Variants in CRB1 observed in about 807,000 individuals in gnomAD.
The protein encoded by CRB1 is crumbs cell polarity complex component 1.
Under a neutral mutation model 120.0 loss-of-function variants are expected in CRB1, and 83 were observed. The observed-to-expected ratio is 0.69, with a 90% CI of 0.58 to 0.83. The LOEUF (loss-of-function observed/expected upper bound fraction) is 0.83, where lower values mean the gene tolerates loss of function less well. CRB1 is among the 40% of genes least tolerant of loss of function. The pLI is 0.00. For missense variants in CRB1, 1,699 were observed against 1,687.6 expected (o/e 1.01, Z -0.12); for synonymous variants, 625 against 612.5 (o/e 1.02, Z -0.30).
At chr1:197,208,595 C>T in the CRB1 span, among the ~76,000 whole-genome samples, 7 of 152,176 alleles carry the variant, frequency 4.6e-5, no homozygotes, top group Non-Finnish European at 1.0e-4. Flanking sequence ...GATACCAGCT[C>T]CTGCTCTGGT....
chr1:197,469,381 A>C (rs1666885012), intron 11 of CRB1, among the ~76,000 whole-genome samples: 1 of 152,148 alleles, frequency 6.6e-6, no homozygotes, highest in Non-Finnish European at 1.5e-5. Context: ...AAGTGTGTAG[A>C]GAATAGATGA....
In CRB1 at chr1:197,472,184, T is replaced by C. The variant is rs563723293; in HGVS notation, c.4006-5480T>C. 3.3e-5 allele frequency among the ~76,000 whole-genome samples: 5 copies of C among 152,310 alleles called. No homozygotes were observed. In the East Asian group the frequency reaches 7.7e-4, roughly 23 times the overall value. On this transcript the variant is annotated intron_variant, in intron 11 of 11. Coordinates refer to ENST00000367400, the MANE Select transcript of CRB1 (RefSeq NM_201253.3). The stretch of plus-strand genomic sequence containing the variant: ...AAGCTGGAATGTAACCTGTAATCAA[T>C]TGACACATTCAAACATTTTAACTTT...
chr1:197,316,901 C>A (rs1226370720), intron 1 of CRB1, among the ~76,000 whole-genome samples: 19 of 118,638 alleles, frequency 1.6e-4, no homozygotes, highest in African/African-American at 5.5e-4. Context: ...ATTTCACTTA[C>A]AATGGCTACA....
chr1:197,301,937 T>C (rs541063341), intron 1 of CRB1, among the ~76,000 whole-genome samples: 1 of 152,270 alleles, frequency 6.6e-6, no homozygotes, highest in Non-Finnish European at 1.5e-5. Context: ...TGGTGAACAC[T>C]GTCGAAATAG....
chr1:197,467,255 A>G (rs747275601), intron 11 of CRB1, among the ~76,000 whole-genome samples: 1 of 152,224 alleles, frequency 6.6e-6, no homozygotes, highest in Admixed American at 6.5e-5. Flanking sequence ...TAATGCGTGT[A>G]ACTCTTTAAC....
At chr1:197,250,835 G>A in the CRB1 span, among the ~76,000 whole-genome samples, 14 of 152,096 alleles carry the variant, frequency 9.2e-5, no homozygotes, top group East Asian at 1.4e-3. Flanking sequence ...TTTCCTTGCC[G>A]TGTGGTTTTT....
chr1:197,284,990 T>C (rs975922244), intron 1 of CRB1, among the ~76,000 whole-genome samples: 1 of 151,904 alleles, frequency 6.6e-6, no homozygotes, highest in African/African-American at 2.4e-5. Flanking sequence ...GTGGTTATCA[T>C]AGATGACTTT....
At chr1:197,234,693 T>C in the CRB1 span, among the ~76,000 whole-genome samples, 2 of 152,176 alleles carry the variant, frequency 1.3e-5, no homozygotes, top group Non-Finnish European at 2.9e-5. Flanking sequence ...AGTATAATGG[T>C]TCCAAAGATA....
At chr1:197,209,239 C>G in the CRB1 span, among the ~76,000 whole-genome samples, 3 of 152,220 alleles carry the variant, frequency 2.0e-5, no homozygotes, top group African/African-American at 4.8e-5. Context: ...CCGATTTGCT[C>G]CCTCTCCCAG....
chr1:197,386,161 A>G (rs904540976), intron 5 of CRB1, among the ~76,000 whole-genome samples: 3 of 152,028 alleles, frequency 2.0e-5, no homozygotes, highest in Non-Finnish European at 4.4e-5. Context: ...GTGTTCACCA[A>G]TGTTCAAATA....
the CRB1 span, among the ~76,000 whole-genome samples, chr1:197,247,708 C>T: frequency 1.3e-5 from 2 of 151,988 alleles, no homozygotes; most frequent in Non-Finnish European, 2.9e-5. Flanking sequence ...CAAAAGTAAG[C>T]AGAACTGTAT....
the CRB1 span, among the ~76,000 whole-genome samples, chr1:197,212,563 A>G: frequency 6.6e-6 from 1 of 152,198 alleles, no homozygotes; most frequent in Non-Finnish European, 1.5e-5. Flanking sequence ...AGTTATTATA[A>G]CAGAAAGCCA....
rs781176401 is a variant in CRB1, at chr1:197,429,598, G to T, written c.2826G>T (p.Val942=). The T allele has an allele frequency of 1.2e-5, 19 of 1,613,962 alleles. No individual in the cohort carries two copies. In the Admixed American group the frequency reaches 3.0e-4, roughly 25 times the overall value. Residue 942 remains valine, a synonymous_variant, in exon 8 of 12, where the codon GTG becomes GTT. Coordinates refer to ENST00000367400, the MANE Select transcript of CRB1 (RefSeq NM_201253.3). ...CTCACGGAGCCCAGTGCCAGCCGGT[G>T]CTTCAAGGATTTGAATGTAGGTAGA... ...PCPHGAQCQP[V]LQGFECIANA...
intron 6 of CRB1, among the ~76,000 whole-genome samples, chr1:197,424,674 G>A (rs145885655): frequency 1.3e-3 from 201 of 152,186 alleles, no homozygotes; most frequent in Middle Eastern, 0.01. Flanking sequence ...TCGTGATTGC[G>A]TCACTTTGTA....
At chr1:197,261,074 T>C in the CRB1 span, among the ~76,000 whole-genome samples, 1 of 152,140 alleles carries the variant, frequency 6.6e-6, no homozygotes, top group Non-Finnish European at 1.5e-5. Context: ...TAAATGCAAA[T>C]GCTAAAAGAG....
chr1:197,383,624 T>G (rs774141375), intron 5 of CRB1, among the ~76,000 whole-genome samples: 13 of 152,198 alleles, frequency 8.5e-5, no homozygotes, highest in Non-Finnish European at 1.8e-4. Flanking sequence ...CTTCCTCCTG[T>G]TGAACACTGT....
At chr1:197,415,379 C>T (rs747050412) in intron 5 of CRB1, among the ~76,000 whole-genome samples, 3 of 152,148 alleles carry the variant, frequency 2.0e-5, no homozygotes, top group African/African-American at 4.8e-5. Flanking sequence ...CCAACAATTA[C>T]GTATGACTCC....
chr1:197,238,439 C>T, the CRB1 span, among the ~76,000 whole-genome samples: 1 of 151,994 alleles, frequency 6.6e-6, no homozygotes, highest in Admixed American at 6.6e-5. Flanking sequence ...GCTTTTTTCC[C>T]TTTACATTTC....
chr1:197,253,424 C>A, the CRB1 span, among the ~76,000 whole-genome samples: 1 of 152,068 alleles, frequency 6.6e-6, no homozygotes, highest in Admixed American at 6.6e-5. Context: ...TTTTTTAACA[C>A]AGTGTATCAT....
Sources: gnomAD v4.1 joint callset for allele counts (sites outside exome capture counted in the v4.1 genomes callset) on GRCh38, gnomAD v4.1.1 for gene constraint, MANE v1.5 for transcripts, NCBI Gene and HGNC (gene_info 2026-07-23, HGNC 2026-07-21) for gene names.